Variants in FGGY observed in about 807,000 individuals in gnomAD.
FGGY encodes FGGY carbohydrate kinase domain containing.
In FGGY, 72 loss-of-function variants were observed where a neutral mutation model predicts 71.3. That is an observed-to-expected ratio of 1.01 (90% CI 0.84 to 1.23). The LOEUF (loss-of-function observed/expected upper bound fraction) is 1.23. Ranked by LOEUF, FGGY falls within the 50% of genes most tolerant of loss-of-function variation. The probability of loss-of-function intolerance (pLI) is 0.00; values close to 1 mark genes in which losing one functional copy is unlikely to be tolerated. For synonymous variants in FGGY, 251 were observed against 250.3 expected (o/e 1.00, Z -0.02); for missense variants, 668 against 682.3 (o/e 0.98, Z 0.23).
intron 7 of FGGY, among the ~76,000 whole-genome samples, chr1:59,514,077 T>G (rs1311255077): frequency 1.3e-5 from 2 of 152,224 alleles, no homozygotes. Flanking sequence ...TGCTTTTGAT[T>G]GGAATGTTAA....
intron 4 of FGGY, among the ~76,000 whole-genome samples, chr1:59,374,604 C>T (rs1051852731): frequency 2.0e-4 from 31 of 152,118 alleles, no homozygotes; most frequent in Non-Finnish European, 2.8e-4. Context: ...CACATGCACA[C>T]GTATGTTTAT....
chr1:59,457,084 A>T lies in FGGY; in HGVS notation c.670+8A>T, dbSNP rs1390678488. 1 of 1,574,576 alleles carries T rather than the reference A, an allele frequency of 6.4e-7. No individual in the cohort carries two copies. Among genetic ancestry groups the T allele is most frequent in the Non-Finnish European group, 8.7e-7 (1 of 1,144,170 alleles). On this transcript the variant is annotated splice_region_variant and intron_variant, in intron 6 of 15. Transcript: ENST00000303721. Reference sequence around the variant, plus strand: ...ATAATTACAGCAAAATAGGTAAAAGAATAAAACATCTGTAGAGTGATTATG... The same window carrying T: ...ATAATTACAGCAAAATAGGTAAAAGTATAAAACATCTGTAGAGTGATTATG...
In FGGY at chr1:59,696,067, CT is replaced by C. The variant is rs1341949106; in HGVS notation, c.1512+21936del. The stretch of plus-strand genomic sequence containing the variant: ...GTATGCAACTTTCTAGAACATATTC[CT>C]TCTAAAAGTGAGAGAAATATGAACC... On this transcript the variant is annotated intron_variant, in intron 14 of 15. Transcript: ENST00000303721. 2.0e-5 allele frequency among the ~76,000 whole-genome samples: 3 copies of C among 152,134 alleles called. No individual in the cohort carries two copies. In the East Asian group the frequency reaches 5.8e-4, roughly 29 times the overall value.
chr1:59,711,102 T>C (rs1020541202), intron 14 of FGGY, among the ~76,000 whole-genome samples: 3 of 152,208 alleles, frequency 2.0e-5, no homozygotes, highest in African/African-American at 7.2e-5. Context: ...AATGGAATAC[T>C]ATGCAGCCAT....
At chr1:59,749,565 A>C (rs1320259778) in intron 14 of FGGY, among the ~76,000 whole-genome samples, 1 of 152,192 alleles carries the variant, frequency 6.6e-6, no homozygotes, top group Non-Finnish European at 1.5e-5. Context: ...AGGTAAAATC[A>C]TTCATTGATT....
chr1:59,570,485 G>C (rs921985180), intron 8 of FGGY, among the ~76,000 whole-genome samples: 1 of 152,182 alleles, frequency 6.6e-6, no homozygotes, highest in African/African-American at 2.4e-5. Flanking sequence ...TCTCTTGGTA[G>C]GTCTGGGTAA....
At chr1:59,352,289 A>G (rs1204797756) in intron 4 of FGGY, among the ~76,000 whole-genome samples, 1 of 152,194 alleles carries the variant, frequency 6.6e-6, no homozygotes. Flanking sequence ...TGACAGCTCA[A>G]TGTTAATGGG....
At chr1:59,552,707 C>T (rs912844021) in intron 7 of FGGY, among the ~76,000 whole-genome samples, 8 of 152,022 alleles carry the variant, frequency 5.3e-5, no homozygotes, top group African/African-American at 1.9e-4. Flanking sequence ...CCTTTGTGGC[C>T]CCTCCTGTGA....
At chr1:59,583,494 A>C (rs1308416592) in intron 8 of FGGY, among the ~76,000 whole-genome samples, 2 of 143,402 alleles carry the variant, frequency 1.4e-5, no homozygotes, top group East Asian at 4.1e-4. Context: ...TTTTCTATTT[A>C]TGGAGGTATC....
chr1:59,660,945 T>C (rs2097268068), intron 12 of FGGY, among the ~76,000 whole-genome samples: 1 of 152,220 alleles, frequency 6.6e-6, no homozygotes, highest in Non-Finnish European at 1.5e-5. Context: ...AGGTTGTGTG[T>C]GTGCATATAT....
At chr1:59,645,378 T>A (rs895542571) in intron 11 of FGGY, among the ~76,000 whole-genome samples, 3 of 152,158 alleles carry the variant, frequency 2.0e-5, no homozygotes, top group Non-Finnish European at 2.9e-5. Flanking sequence ...GTGTGGCTTT[T>A]GAACCCTGAG....
At chr1:59,392,828 G>A (rs2060857489) in intron 5 of FGGY, among the ~76,000 whole-genome samples, 1 of 152,030 alleles carries the variant, frequency 6.6e-6, no homozygotes, top group African/African-American at 2.4e-5. Context: ...TGCAGTCAGG[G>A]AGCCCTCTGT....
intron 5 of FGGY, among the ~76,000 whole-genome samples, chr1:59,427,280 C>T (rs1396980391): frequency 6.6e-6 from 1 of 152,138 alleles, no homozygotes; most frequent in African/African-American, 2.4e-5. Context: ...TTGCTGCCTC[C>T]CTCCCCACAA....
At chr1:59,422,814 A>G (rs1489050397) in intron 5 of FGGY, among the ~76,000 whole-genome samples, 1 of 152,228 alleles carries the variant, frequency 6.6e-6, no homozygotes, top group East Asian at 1.9e-4. Context: ...AGGAAAAGGA[A>G]AGGCAACTGA....
rs141936813 is a variant in FGGY, at chr1:59,303,080, A to T, written c.-15+5930A>T. On this transcript the variant is annotated intron_variant, in intron 1 of 15. Transcript: ENST00000303721. ...TGATATACATTGTGAAATGATTACC[A>T]CAATCAAGCTAATTATATCCATCAC... Among the ~76,000 whole-genome samples the T allele has an allele frequency of 2.0e-5, 3 of 152,356 alleles. No individual in the cohort carries two copies. The East Asian group carries it at 5.8e-4, about 29-fold the overall frequency.
At position 59,659,324 on chromosome 1, in the gene FGGY, G is replaced by A. The variant is rs547516721; in HGVS notation, c.1222-895G>A. 1.1e-4 allele frequency among the ~76,000 whole-genome samples: 17 copies of A among 152,314 alleles called. No homozygotes were observed. In the East Asian group the frequency reaches 3.1e-3, roughly 28 times the overall value. On this transcript the variant is annotated intron_variant, in intron 11 of 15. Transcript: ENST00000303721. ...GAGAGAGTAATTAAATGGGGCCAGA[G>A]AATATGAAGGAAGGGACCTAGGTAG...
intron 8 of FGGY, among the ~76,000 whole-genome samples, chr1:59,598,937 C>T (rs962391049): frequency 6.6e-6 from 1 of 152,178 alleles, no homozygotes; most frequent in African/African-American, 2.4e-5. Context: ...TGTACACTTA[C>T]AACATATGCA....
intron 5 of FGGY, among the ~76,000 whole-genome samples, chr1:59,381,628 C>CGTGTGTGTGTGT (rs113981398): frequency 2.8e-5 from 4 of 143,206 alleles, no homozygotes; most frequent in African/African-American, 1.0e-4. Flanking sequence ...ATGTATAACT[C>CGTGTGTGTGTGT]GTGTGTGTGT....
chr1:59,762,508 A>G lies in FGGY; in HGVS notation c.1580A>G (p.Tyr527Cys), dbSNP rs371150924. ...VFPRLQDKKYYDKKYQVFLKL... is the reference protein window; with the variant it reads ...VFPRLQDKKYCDKKYQVFLKL... ...TATTTATATTTCTCCCACAGATACT[A>G]TGATAAGAAATACCAAGTATTCCTG... The change falls in exon 16 of 16, where the codon TAT becomes TGT. Residue 527 changes from tyrosine (Y) to cysteine (C), a missense_variant. Around this residue, in one of 2 missense-constraint regions of FGGY, gnomAD observed 661 missense variants for 661.6 expected, o/e 1.00. Transcript: ENST00000303721. 11 of 1,611,684 alleles carry G rather than the reference A, an allele frequency of 6.8e-6. No homozygotes were observed. The African/African-American group carries it at 8.0e-5, about 12-fold the overall frequency.
Sources: allele counts gnomAD v4.1 joint callset (sites outside exome capture counted in the v4.1 genomes callset), GRCh38; gene constraint gnomAD v4.1.1; regional missense constraint gnomAD v4.1.1; transcripts MANE v1.5; gene names NCBI Gene and HGNC (gene_info 2026-07-23, HGNC 2026-07-21).